The following NRXN1 variants were observed in gnomAD, a reference collection of about 807,000 sequenced individuals.
The protein encoded by NRXN1 is neurexin-1.
Under a neutral mutation model 150.9 loss-of-function variants are expected in NRXN1, and 39 were observed. The ratio of observed to expected loss-of-function variants is 0.26; its 90% CI spans 0.20 to 0.34. NRXN1 has a LOEUF of 0.34. NRXN1 is among the 10% of genes least tolerant of loss of function. The probability of loss-of-function intolerance (pLI) is 1.00; values close to 1 mark genes in which losing one functional copy is unlikely to be tolerated. For synonymous variants in NRXN1, 924 were observed against 757.0 expected (o/e 1.22, Z -3.62); for missense variants, 1,815 against 1,949.9 (o/e 0.93, Z 1.30).
At chr2:50,191,314 A>T (rs540493309) in intron 18 of NRXN1, among the ~76,000 whole-genome samples, 2 of 151,982 alleles carry the variant, frequency 1.3e-5, no homozygotes, top group African/African-American at 4.8e-5. Flanking sequence ...TTTTGGGAAC[A>T]CAGGTGTGAG....
chr2:50,316,297 TC>T (rs1558511277), intron 17 of NRXN1, among the ~76,000 whole-genome samples: 1 of 152,026 alleles, frequency 6.6e-6, no homozygotes, highest in African/African-American at 2.4e-5. Context: ...CTATCACCTC[TC>T]CCTCCACTGA....
intron 21 of NRXN1, among the ~76,000 whole-genome samples, chr2:49,945,827 G>A (rs1244249382): frequency 1.3e-5 from 2 of 152,112 alleles, no homozygotes; most frequent in African/African-American, 4.8e-5. Context: ...TTGCTATTGT[G>A]AATAGTGTGG....
chr2:50,264,794 G>A (rs1228655009), intron 17 of NRXN1, among the ~76,000 whole-genome samples: 1 of 152,006 alleles, frequency 6.6e-6, no homozygotes, highest in East Asian at 1.9e-4. Context: ...TATAATCTAG[G>A]CCTCTGTCTC....
At position 50,612,615 on chromosome 2, in the gene NRXN1, C is replaced by T. The variant is rs77083699; in HGVS notation, c.1320+7407G>A. ...CTCTGGAATATGCTGACTCCCTTAC[C>T]CCTTCAGCAAAAGCTCCTACTTTTC... On this transcript the variant is annotated intron_variant, in intron 8 of 22. Transcript: ENST00000401669. Among the ~76,000 whole-genome samples the T allele has an allele frequency of 2.5e-3, 381 of 152,158 alleles. 1 individual carries two copies. Among genetic ancestry groups the T allele is most frequent in the African/African-American group, 8.8e-3 (366 of 41,520 alleles).
intron 13 of NRXN1, among the ~76,000 whole-genome samples, chr2:50,501,128 G>C (rs922801669): frequency 5.3e-5 from 8 of 152,148 alleles, no homozygotes; most frequent in African/African-American, 1.7e-4. Flanking sequence ...AGCTAGATTT[G>C]AAGAATTAAA....
rs1297063034 is a variant in NRXN1, at chr2:51,027,493, G to C, written c.772+9C>G. The C allele has an allele frequency of 1.7e-5, 25 of 1,506,418 alleles. No homozygotes were observed. The highest frequency in any genetic ancestry group is 2.1e-5 in the Non-Finnish European group (24 of 1,129,132). 93.3% of individuals were successfully genotyped at this position (1,506,418 alleles called of 1,614,324 possible). A position where few individuals can be genotyped will look rare whatever the true frequency, so the allele number is the denominator to read the frequency against. On this transcript the variant is annotated intron_variant, in intron 2 of 22. Coordinates refer to ENST00000401669, the MANE Select transcript of NRXN1 (RefSeq NM_001330078.2). ...CCCCGGCCCCCGTGGGTCGGGCGTC[G>C]GGCCTTACCTTGGCTGCAGTCCTTG... is the stretch of plus-strand genomic sequence containing the variant.
At chr2:51,019,784 A>G (rs1669306822) in intron 2 of NRXN1, among the ~76,000 whole-genome samples, 1 of 152,070 alleles carries the variant, frequency 6.6e-6, no homozygotes, top group African/African-American at 2.4e-5. Flanking sequence ...TTTTATTTCT[A>G]AACATTATAA....
intron 17 of NRXN1, among the ~76,000 whole-genome samples, chr2:50,276,242 C>T (rs1015783348): frequency 1.3e-5 from 2 of 151,898 alleles, no homozygotes; most frequent in African/African-American, 4.8e-5. Flanking sequence ...ATCAAAACCA[C>T]ACAGCTGTTA....
chr2:50,083,620 CG>C (rs34689485), intron 19 of NRXN1, among the ~76,000 whole-genome samples: 1 of 152,136 alleles, frequency 6.6e-6, no homozygotes, highest in Non-Finnish European at 1.5e-5. Context: ...AGGGCTGGCT[CG>C]GGCAGCCTGC....
chr2:49,929,233 G>A (rs1353298407), intron 22 of NRXN1, among the ~76,000 whole-genome samples: 2 of 152,112 alleles, frequency 1.3e-5, no homozygotes, highest in Admixed American at 6.6e-5. Context: ...GTACCACATC[G>A]AACAGAAGAG....
intron 5 of NRXN1, among the ~76,000 whole-genome samples, chr2:50,727,633 A>T (rs573931087): frequency 2.0e-5 from 3 of 152,326 alleles, no homozygotes; most frequent in African/African-American, 4.8e-5. Context: ...CAGGGTACAC[A>T]TATTGATTAA....
At chr2:50,170,813 C>T (rs929345116) in intron 18 of NRXN1, among the ~76,000 whole-genome samples, 2 of 146,578 alleles carry the variant, frequency 1.4e-5, no homozygotes, top group Non-Finnish European at 3.0e-5. Flanking sequence ...GTATAGTTGG[C>T]CCTTGAACAA....
At chr2:51,012,415 C>A (rs575777688) in intron 2 of NRXN1, among the ~76,000 whole-genome samples, 1 of 152,074 alleles carries the variant, frequency 6.6e-6, no homozygotes, top group African/African-American at 2.4e-5. Flanking sequence ...TACCATTGGA[C>A]TTGCATTTTC....
intron 18 of NRXN1, among the ~76,000 whole-genome samples, chr2:50,188,245 C>A (rs1190743753): frequency 2.0e-5 from 3 of 152,130 alleles, no homozygotes; most frequent in Admixed American, 1.3e-4. Context: ...TGATCTTTGA[C>A]AAACCTGACA....
At chr2:50,787,049 G>C (rs1309042547) in intron 5 of NRXN1, among the ~76,000 whole-genome samples, 1 of 152,074 alleles carries the variant, frequency 6.6e-6, no homozygotes, top group Non-Finnish European at 1.5e-5. Flanking sequence ...TAACACTGTT[G>C]GGAAAACATC....
At chr2:50,997,157 C>T (rs1162544059) in intron 2 of NRXN1, among the ~76,000 whole-genome samples, 1 of 151,966 alleles carries the variant, frequency 6.6e-6, no homozygotes, top group East Asian at 1.9e-4. Context: ...GTAATCAATC[C>T]ACATTATATT....
At chr2:50,108,424 G>T (rs1381545221) in intron 18 of NRXN1, among the ~76,000 whole-genome samples, 2 of 151,936 alleles carry the variant, frequency 1.3e-5, no homozygotes, top group African/African-American at 4.8e-5. Flanking sequence ...CAGAGAAAAA[G>T]AAGTGGCACA....
At chr2:50,475,238 C>T (rs1046507549) in intron 15 of NRXN1, among the ~76,000 whole-genome samples, 4 of 151,984 alleles carry the variant, frequency 2.6e-5, no homozygotes, top group Non-Finnish European at 5.9e-5. Context: ...GTATAGAATA[C>T]TATATATTTA....
At chr2:50,111,622 G>A (rs1197395277) in intron 18 of NRXN1, among the ~76,000 whole-genome samples, 5 of 151,648 alleles carry the variant, frequency 3.3e-5, no homozygotes, top group Non-Finnish European at 7.4e-5. Context: ...CTGGGTGACA[G>A]AGTGACACTC....
Sources: allele counts gnomAD v4.1 joint callset (sites outside exome capture counted in the v4.1 genomes callset), GRCh38; gene constraint gnomAD v4.1.1; transcripts MANE v1.5; gene names NCBI Gene and HGNC (gene_info 2026-07-23, HGNC 2026-07-21).